The following RBM22 variants were observed in gnomAD, a reference collection of about 807,000 sequenced individuals.
The protein encoded by RBM22 is RNA binding motif protein 22.
A neutral mutation model predicts 50.1 loss-of-function variants in RBM22; 1 was observed. The observed-to-expected ratio is 0.02, with a 90% confidence interval of 0.01 to 0.09. The LOEUF (loss-of-function observed/expected upper bound fraction) is 0.09. RBM22 is among the 10% of genes least tolerant of loss of function. The pLI, the probability that RBM22 is intolerant of heterozygous loss-of-function variation, is 1.00. For synonymous variants in RBM22, 152 were observed against 179.0 expected (o/e 0.85, Z 1.20); for missense variants, 264 against 529.3 (o/e 0.50, Z 4.92).
chr5:150,701,053 C>T lies in RBM22; in HGVS notation c.-68G>A. The T allele has an allele frequency of 6.2e-7, 1 of 1,605,338 alleles. No individual in the cohort carries two copies. The highest frequency in any genetic ancestry group is 8.5e-7 in the Non-Finnish European group (1 of 1,172,408). ...AGAGGACCGCCACAATCCCGTCAAG[C>T]CCCGAGGCTAGCGCCGCGCCGGTCG... On this transcript the variant is annotated 5_prime_UTR_variant, in exon 1 of 11. Transcript: ENST00000199814.
chr5:150,699,393 A>AG (rs1759315988), intron 2 of RBM22, 122 bp from the exon 3 acceptor site: 10 of 1,343,602 alleles, frequency 7.4e-6, no homozygotes, highest in African/African-American at 3.0e-5. Flanking sequence ...CTAGAGAGAG[A>AG]AAAACAGCAA....
At position 150,696,785 on chromosome 5, in the gene RBM22, G is replaced by C. The variant is rs1218691261; in HGVS notation, c.372+6C>G. ...TAGGATTTTTATCCAAAAAGTGGCA[G>C]CATACCTCTCTCTCCATATTCTGTG... On this transcript the variant is annotated splice_donor_region_variant and intron_variant, in intron 5 of 10. Transcript: ENST00000199814. The surrounding 1 kb of genome is among the most constrained non-coding windows in gnomAD (Gnocchi z 4.3). 1.4e-5 allele frequency: 23 copies of C among 1,613,832 alleles called. No individual in the cohort carries two copies. The highest frequency in any genetic ancestry group is 2.7e-5 in the African/African-American group (2 of 74,924).
intron 10 of RBM22, among the ~76,000 whole-genome samples, chr5:150,692,116 G>A (rs1371980119): frequency 6.6e-6 from 1 of 152,160 alleles, no homozygotes; most frequent in Non-Finnish European, 1.5e-5. Context: ...TATGTCATCT[G>A]AGTCTCTGCT....
chr5:150,698,710 T>A, intron 3 of RBM22, 79 bp from the exon 4 acceptor site: 2 of 1,512,370 alleles, frequency 1.3e-6, no homozygotes, highest in South Asian at 1.3e-5. Context: ...AACGGGGCAT[T>A]CAAAAAAGGA....
intron 6 of RBM22, 142 bp from the exon 7 acceptor site, chr5:150,695,848 T>C (rs1759269809): frequency 1.5e-6 from 1 of 676,448 alleles, no homozygotes. Flanking sequence ...TCTACCAAAA[T>C]ATAATTACCA....
At chr5:150,697,474 C>T (rs1037585717) in intron 4 of RBM22, among the ~76,000 whole-genome samples, 6 of 152,098 alleles carry the variant, frequency 3.9e-5, no homozygotes, top group Admixed American at 2.0e-4. Context: ...CAAACTGTGC[C>T]CATGGTCATA....
intron 9 of RBM22, 27 bp from the exon 10 acceptor site, chr5:150,693,053 T>C (rs972404534): frequency 1.1e-5 from 17 of 1,592,364 alleles, no homozygotes; most frequent in African/African-American, 6.7e-5. Flanking sequence ...AGTCAACACA[T>C]AGAGGGGAGA....
At chr5:150,692,150 A>G (rs1043642430) in intron 10 of RBM22, among the ~76,000 whole-genome samples, 2 of 152,088 alleles carry the variant, frequency 1.3e-5, no homozygotes, top group African/African-American at 4.8e-5. Context: ...GCCAAATCCT[A>G]CCAGACAGGA....
In RBM22 at chr5:150,691,611, G is replaced by T; in HGVS notation, c.*140C>A. 9.9e-7 allele frequency: 1 copy of T among 1,010,278 alleles called. No individual in the cohort carries two copies. The highest frequency in any genetic ancestry group is 1.3e-6 in the Non-Finnish European group (1 of 744,626). The allele number at this position is 1,010,278 out of a possible 1,614,324, so 62.6% of individuals were successfully genotyped here. Reference sequence around the variant, plus strand: ...TGAACAAGTATAGGAAAGCATGGCTGTCAGTCTCTGACTGCTCACATCTGA... The same window carrying T: ...TGAACAAGTATAGGAAAGCATGGCTTTCAGTCTCTGACTGCTCACATCTGA... On this transcript the variant is annotated 3_prime_UTR_variant, in exon 11 of 11. Coordinates refer to ENST00000199814, the MANE Select transcript of RBM22 (RefSeq NM_018047.3).
At chr5:150,699,792 T>C (rs1315386566) in intron 2 of RBM22, among the ~76,000 whole-genome samples, 1 of 152,220 alleles carries the variant, frequency 6.6e-6, no homozygotes, top group Non-Finnish European at 1.5e-5. Flanking sequence ...CCGCCCACTT[T>C]ACAAAGTTTA....
intron 3 of RBM22, 44 bp from the exon 4 acceptor site, chr5:150,698,675 C>A: frequency 6.2e-7 from 1 of 1,602,120 alleles, no homozygotes; most frequent in Non-Finnish European, 8.5e-7. Flanking sequence ...TGGTCCTGAT[C>A]TGGGCAATCT....
intron 3 of RBM22, 34 bp downstream of exon 3, chr5:150,699,208 A>G: frequency 1.3e-5 from 20 of 1,576,598 alleles, no homozygotes; most frequent in Non-Finnish European, 1.7e-5. Context: ...GAAAAATGAA[A>G]CAGAAATCAT....
intron 1 of RBM22, 182 bp downstream of exon 1, chr5:150,700,750 A>T: frequency 6.5e-7 from 1 of 1,541,926 alleles, no homozygotes; most frequent in South Asian, 1.2e-5. Flanking sequence ...GACCCTGGCT[A>T]AGCCCCCTCC....
Position 150,690,917 on chromosome 5 carries a change from G to A in RBM22, c.*834C>T, listed in dbSNP as rs567518103. 3.3e-5 allele frequency: 5 copies of A among 152,460 alleles called. No homozygotes were observed. The highest frequency in any genetic ancestry group is 6.8e-3 in the Middle Eastern group (2 of 294). 9.4% of individuals were successfully genotyped at this position (152,460 alleles called of 1,614,324 possible). On this transcript the variant is annotated 3_prime_UTR_variant, in exon 11 of 11. Transcript: ENST00000199814. ...GAAGCAGGGATGACAATGAGACACT[G>A]AAGACACACGAAGGTGAATGCTGAA... is the stretch of plus-strand genomic sequence containing the variant.
chr5:150,697,982 C>A (rs569898476), intron 4 of RBM22, among the ~76,000 whole-genome samples: 16 of 152,226 alleles, frequency 1.1e-4, no homozygotes, highest in African/African-American at 3.9e-4. Context: ...TAGTGACACA[C>A]ACACACACGT....
At position 150,700,474 on chromosome 5, in the gene RBM22, T is replaced by C. The variant is rs1427770764; in HGVS notation, c.78A>G (p.Thr26=). 1.2e-6 allele frequency: 2 copies of C among 1,614,112 alleles called. No homozygotes were observed. The highest frequency in any genetic ancestry group is 1.1e-5 in the South Asian group (1 of 91,084). Residue 26 remains threonine (T), a synonymous_variant, in exon 2 of 11, where the codon ACA becomes ACG. Transcript: ENST00000199814. Reference sequence around the variant, plus strand: ...GGATATATGGGTTTTCTCCAAGACATGTCTGGCACAGAATGGGGAAGTCCT... The same window carrying C: ...GGATATATGGGTTTTCTCCAAGACACGTCTGGCACAGAATGGGGAAGTCCT... ...EDADFPILCQ[T]CLGENPYIRM... is the part of the protein sequence containing the mutation.
chr5:150,693,645 G>C (rs139723987), intron 8 of RBM22, among the ~76,000 whole-genome samples: 370 of 152,304 alleles, frequency 2.4e-3, no homozygotes, highest in Middle Eastern at 0.01. Context: ...TTCCCCCTTT[G>C]AACTGGGTCT....
At chr5:150,692,008 G>T in intron 10 of RBM22, 127 bp from the exon 11 acceptor site, 1 of 1,078,822 alleles carries the variant, frequency 9.3e-7, no homozygotes, top group Non-Finnish European at 1.2e-6. Flanking sequence ...TTAAGCAAAT[G>T]TCAGTTCACA....
chr5:150,698,483 G>T lies in RBM22; in HGVS notation c.271+16C>A, dbSNP rs770616325. 5 of 1,612,296 alleles carry T rather than the reference G, an allele frequency of 3.1e-6. No individual in the cohort carries two copies. The highest frequency in any genetic ancestry group is 4.2e-6 in the Non-Finnish European group (5 of 1,179,026). On this transcript the variant is annotated intron_variant, in intron 4 of 10. Coordinates refer to ENST00000199814, the MANE Select transcript of RBM22 (RefSeq NM_018047.3). ...CACCTGCACACTTTCAGATTTATTG[G>T]ACAGGTCAAACATACCATACTCTAG...
Sources: gnomAD v4.1 joint callset for allele counts (sites outside exome capture counted in the v4.1 genomes callset) on GRCh38, gnomAD v4.1.1 for gene constraint, Gnocchi (gnomAD v3.1) non-coding constraint, MANE v1.5 for transcripts, NCBI Gene and HGNC (gene_info 2026-07-23, HGNC 2026-07-21) for gene names.